Variants in CADPS2 observed in about 807,000 individuals in gnomAD.
CADPS2 encodes calcium dependent secretion activator 2.
CADPS2 carries 93 observed loss-of-function variants against 172.5 expected under a neutral mutation model. That is an observed-to-expected ratio of 0.54 (90% CI 0.46 to 0.64). The LOEUF is 0.64. Among genes scored for constraint, CADPS2 ranks in the 30% least tolerant of loss-of-function variants. The pLI is 0.00. For synonymous variants in CADPS2, 546 were observed against 555.2 expected (o/e 0.98, Z 0.23); for missense variants, 1,420 against 1,565.9 (o/e 0.91, Z 1.57).
At chr7:122,495,749 T>C (rs1055070451) in intron 9 of CADPS2, among the ~76,000 whole-genome samples, 10 of 152,298 alleles carry the variant, frequency 6.6e-5, no homozygotes, top group African/African-American at 2.2e-4. Context: ...AATTTGTACA[T>C]ACTATATATA....
chr7:122,566,665 G>A (rs961684060), intron 7 of CADPS2, among the ~76,000 whole-genome samples: 5 of 152,000 alleles, frequency 3.3e-5, no homozygotes, highest in African/African-American at 7.2e-5. Flanking sequence ...TCTATTTCAG[G>A]TAGAAGACTA....
intron 2 of CADPS2, among the ~76,000 whole-genome samples, chr7:122,686,554 G>A (rs1458749993): frequency 6.6e-6 from 1 of 152,184 alleles, no homozygotes; most frequent in Non-Finnish European, 1.5e-5. Flanking sequence ...TCTGCAGTGA[G>A]CTTAAGAATT....
At chr7:122,503,063 G>A (rs377476434) in intron 9 of CADPS2, among the ~76,000 whole-genome samples, 13 of 141,434 alleles carry the variant, frequency 9.2e-5, no homozygotes, top group South Asian at 6.7e-4. Context: ...ACGGGGTCTC[G>A]CTCTGTCGCC....
intron 2 of CADPS2, among the ~76,000 whole-genome samples, chr7:122,722,643 A>G (rs1297572764): frequency 2.7e-5 from 2 of 74,840 alleles, no homozygotes; most frequent in Non-Finnish European, 5.2e-5. Flanking sequence ...ATTCAATGCC[A>G]TCCCCATCAA....
chr7:122,817,106 C>G (rs1204417076), intron 1 of CADPS2, among the ~76,000 whole-genome samples: 1 of 152,148 alleles, frequency 6.6e-6, no homozygotes, highest in African/African-American at 2.4e-5. Flanking sequence ...CCGCCTGCAC[C>G]CAGGTGAAAT....
intron 2 of CADPS2, among the ~76,000 whole-genome samples, chr7:122,679,301 T>C (rs1489289187): frequency 1.1e-5 from 1 of 89,862 alleles, no homozygotes; most frequent in African/African-American, 3.8e-5. Flanking sequence ...ACCCTGGGAG[T>C]GTCTGCCTCA....
At chr7:122,468,029 T>TG (rs528991937) in intron 14 of CADPS2, among the ~76,000 whole-genome samples, 46 of 152,264 alleles carry the variant, frequency 3.0e-4, no homozygotes, top group African/African-American at 1.0e-3. Flanking sequence ...CTTTTATTTC[T>TG]GAAACACTCA....
rs1367919067 is a variant in CADPS2, at chr7:122,836,869, C to T, written c.339+49130G>A. Among the ~76,000 whole-genome samples, 45 of 152,186 alleles carry T rather than the reference C, an allele frequency of 3.0e-4. No homozygotes were observed. In the East Asian group the frequency reaches 3.1e-3, roughly 10 times the overall value. ...CCACTGTCAACATTAGACAGATCAA[C>T]GAGACAGAAAGTTAACAAGGATATC... On this transcript the variant is annotated intron_variant, in intron 1 of 29. Coordinates refer to ENST00000449022, the MANE Select transcript of CADPS2 (RefSeq NM_017954.11).
At chr7:122,614,441 A>C (rs374902142) in intron 6 of CADPS2, among the ~76,000 whole-genome samples, 3 of 152,152 alleles carry the variant, frequency 2.0e-5, no homozygotes, top group African/African-American at 7.2e-5. Context: ...TATTATAATA[A>C]GGCAAAATCC....
At chr7:122,816,358 C>G (rs1801405338) in intron 1 of CADPS2, among the ~76,000 whole-genome samples, 1 of 152,144 alleles carries the variant, frequency 6.6e-6, no homozygotes, top group African/African-American at 2.4e-5. Context: ...TGGGTTGTTG[C>G]AAATGACAAG....
At chr7:122,682,600 T>A (rs895696425) in intron 2 of CADPS2, among the ~76,000 whole-genome samples, 4 of 152,304 alleles carry the variant, frequency 2.6e-5, no homozygotes, top group East Asian at 3.9e-4. Context: ...TGAAAAAAAA[T>A]ATGTGTTCCC....
At chr7:122,529,969 A>G (rs2061616036) in intron 8 of CADPS2, among the ~76,000 whole-genome samples, 2 of 152,136 alleles carry the variant, frequency 1.3e-5, no homozygotes, top group Admixed American at 6.5e-5. Context: ...TACAATTAGA[A>G]AACTGGCATG....
chr7:122,655,803 T>C (rs533556240), intron 3 of CADPS2, among the ~76,000 whole-genome samples: 2 of 152,304 alleles, frequency 1.3e-5, no homozygotes, highest in South Asian at 4.1e-4. Flanking sequence ...AGGGGTACTC[T>C]TTATAATTTC....
At chr7:122,397,859 G>A (rs2045366627) in intron 20 of CADPS2, among the ~76,000 whole-genome samples, 1 of 152,164 alleles carries the variant, frequency 6.6e-6, no homozygotes, top group Non-Finnish European at 1.5e-5. Context: ...ACTCAAGTAT[G>A]AGAGAGTGAA....
At position 122,670,960 on chromosome 7, in the gene CADPS2, C is replaced by T. The variant is rs1035190176; in HGVS notation, c.454-7391G>A. ...GATCTCCGTGCTCCAGTCCCACAGGCCTTTTAAAAACCTCCCATTGTCTAC... is the reference window on the plus strand; with the variant it reads ...GATCTCCGTGCTCCAGTCCCACAGGTCTTTTAAAAACCTCCCATTGTCTAC... On this transcript the variant is annotated intron_variant, in intron 2 of 29. Transcript: ENST00000449022. Among the ~76,000 whole-genome samples the T allele has an allele frequency of 2.3e-4, 35 of 151,976 alleles. No homozygotes were observed. The East Asian group carries it at 2.3e-3, about 10-fold the overall frequency.
chr7:122,604,322 G>A (rs968971956), intron 6 of CADPS2, among the ~76,000 whole-genome samples: 2 of 151,926 alleles, frequency 1.3e-5, no homozygotes, highest in South Asian at 4.2e-4. Context: ...ATCTCCATTT[G>A]CTCTCTACAG....
At chr7:122,449,316 T>G in intron 15 of CADPS2, among the ~76,000 whole-genome samples, 1 of 152,062 alleles carries the variant, frequency 6.6e-6, no homozygotes, top group Non-Finnish European at 1.5e-5. Context: ...ACAACACTTT[T>G]TTTTGTTTGT....
intron 14 of CADPS2, among the ~76,000 whole-genome samples, chr7:122,464,192 A>G (rs1039265757): frequency 1.3e-5 from 2 of 152,238 alleles, no homozygotes; most frequent in Non-Finnish European, 2.9e-5. Flanking sequence ...ATTGCCAGAA[A>G]CTAAGAAAGT....
intron 3 of CADPS2, 88 bp from the exon 4 acceptor site, chr7:122,629,416 C>A: frequency 1.2e-6 from 1 of 834,614 alleles, no homozygotes; most frequent in Non-Finnish European, 1.8e-6. Flanking sequence ...CAGACTAAGG[C>A]AAAGATTAAA....
Sources: allele counts gnomAD v4.1 joint callset (sites outside exome capture counted in the v4.1 genomes callset), GRCh38; gene constraint gnomAD v4.1.1; transcripts MANE v1.5; gene names NCBI Gene and HGNC (gene_info 2026-07-23, HGNC 2026-07-21).